The following CRLF2 variants were observed in gnomAD, a reference collection of about 807,000 sequenced individuals.
CRLF2 encodes the protein cytokine receptor-like factor 2.
Under a neutral mutation model 38.7 loss-of-function variants are expected in CRLF2, and 41 were observed. The observed-to-expected ratio is 1.06, with a 90% CI of 0.83 to 1.37. CRLF2 has a LOEUF of 1.37. Ranked by LOEUF, CRLF2 falls within the 40% of genes most tolerant of loss-of-function variation. The pLI, the probability that CRLF2 is intolerant of heterozygous loss-of-function variation, is 0.00. For missense variants in CRLF2, 377 were observed against 322.2 expected (o/e 1.17, Z -1.30); for synonymous variants, 140 against 128.8 (o/e 1.09, Z -0.59).
intron 2 of CRLF2, 52 bp downstream of exon 2, chrX:1,208,754 G>T: frequency 9.5e-7 from 1 of 1,050,748 alleles, no homozygotes; most frequent in Non-Finnish European, 1.5e-6. Context: ...CGGCTCAGAA[G>T]AGCGATTTTG....
At chrX:1,191,347 T>TTTCTTTC in intron 7 of CRLF2, among the ~76,000 whole-genome samples, 187 bp from the exon 8 acceptor site, 1 of 91,674 alleles carries the variant, frequency 1.1e-5, no homozygotes, top group African/African-American at 4.0e-5. Flanking sequence ...CTTTCTTTCC[T>TTTCTTTC]TCTTTCTTTC....
At chrX:1,191,267 C>G (rs1249100277) in intron 7 of CRLF2, 107 bp from the exon 8 acceptor site, 1 of 395,788 alleles carries the variant, frequency 2.5e-6, no homozygotes, top group Admixed American at 4.5e-5. Context: ...ACATCTTTCT[C>G]TTTCTTTCTC....
intron 4 of CRLF2, among the ~76,000 whole-genome samples, chrX:1,202,110 T>C (rs2086618676): frequency 1.3e-5 from 2 of 150,928 alleles, no homozygotes; most frequent in Admixed American, 1.3e-4. Context: ...TAGATAGAGG[T>C]AGAGATAAAA....
chrX:1,200,346 G>A (rs2086580749), intron 4 of CRLF2, among the ~76,000 whole-genome samples: 1 of 150,940 alleles, frequency 6.6e-6, no homozygotes, highest in South Asian at 2.1e-4. Flanking sequence ...TATATAAGAT[G>A]TGTATGTACA....
At chrX:1,208,156 G>A (rs2086725619) in intron 2 of CRLF2, among the ~76,000 whole-genome samples, 1 of 152,074 alleles carries the variant, frequency 6.6e-6, no homozygotes, top group Admixed American at 6.6e-5. Flanking sequence ...GCTGTGAAAT[G>A]TTTCAGAGAC....
intron 6 of CRLF2, among the ~76,000 whole-genome samples, chrX:1,193,798 A>C (rs1162661759): frequency 1.4e-5 from 2 of 146,924 alleles, no homozygotes; most frequent in Non-Finnish European, 3.0e-5. Context: ...AAAAAAAAAA[A>C]AAAAATACAA....
Position 1,198,572 on chromosome X carries a change from G to T in CRLF2, c.636C>A (p.Gly212=). Residue 212 remains glycine (G), a synonymous_variant, in exon 5 of 8, where the codon GGC becomes GGA. Transcript: ENST00000400841. ...CGTAACAAGCATTACCCCGAATCTC[G>T]CCTCTCTGCCAGCATGTCACCTCTG... ...DWSEVTCWQR[G]EIRDACAETP... The T allele has an allele frequency of 6.2e-7, 1 of 1,613,556 alleles. No individual in the cohort carries two copies. The highest frequency in any genetic ancestry group is 8.5e-7 in the Non-Finnish European group (1 of 1,179,654).
Position 1,209,418 on chromosome X carries a change from G to A in CRLF2, c.80-510C>T, listed in dbSNP as rs751123485. Reference sequence around the variant, plus strand: ...GCAATCTCGGCTCACTGCAAGCTCCGCCTCCCGGGTTCACGCCATTCTCCT... The same window carrying A: ...GCAATCTCGGCTCACTGCAAGCTCCACCTCCCGGGTTCACGCCATTCTCCT... On this transcript the variant is annotated intron_variant, in intron 1 of 7. Transcript: ENST00000400841. Among the ~76,000 whole-genome samples, 6 of 151,438 alleles carry A rather than the reference G, an allele frequency of 4.0e-5. No individual in the cohort carries two copies. In the East Asian group the frequency reaches 9.8e-4, roughly 25 times the overall value.
At chrX:1,205,890 G>A (rs1298661614) in intron 3 of CRLF2, among the ~76,000 whole-genome samples, 2 of 152,046 alleles carry the variant, frequency 1.3e-5, no homozygotes, top group African/African-American at 4.8e-5. Context: ...AGCATGGTGA[G>A]CTTGCTTTTC....
intron 3 of CRLF2, 46 bp downstream of exon 3, chrX:1,206,387 G>A (rs756160821): frequency 1.3e-6 from 2 of 1,552,272 alleles, no homozygotes; most frequent in South Asian, 1.1e-5. Context: ...GTAATAAGCT[G>A]AAGGAAGTAC....
In CRLF2 at chrX:1,206,560, G is replaced by GT. The variant is rs766903240; in HGVS notation, c.221dup (p.Tyr74Ter). 3.7e-6 allele frequency: 6 copies of GT among 1,613,656 alleles called. No homozygotes were observed. The African/African-American group carries it at 8.0e-5, about 22-fold the overall frequency. ...CCGAAGTGTGACCTTCCTGGAGAAG[G>GT]TAGTTGGTGCACTGGTCATAGGCCT... ...GDEAYDQCTN[Y>*]LLQEGHTSGC... The change falls in exon 3 of 8, where the codon TAC (tyrosine) becomes TAAC (stop). Residue 74 changes from tyrosine to a stop codon, truncating the protein, a stop_gained and frameshift_variant. Coordinates refer to ENST00000400841, the MANE Select transcript of CRLF2 (RefSeq NM_022148.4). LOFTEE classifies it high-confidence loss of function.
chrX:1,212,444 G>GAAAA, intron 1 of CRLF2, 112 bp downstream of exon 1: 11 of 493,850 alleles, frequency 2.2e-5, no homozygotes, highest in South Asian at 7.8e-5. Flanking sequence ...AAAAAGAAAA[G>GAAAA]AAGAAAGAAA....
rs758557173 is a variant in CRLF2 at position 1,208,808 on chromosome X, G to A, written c.180C>T (p.Tyr60=). 6.3e-7 allele frequency: 1 copy of A among 1,591,568 alleles called. No homozygotes were observed. Among genetic ancestry groups the A allele is most frequent in the Non-Finnish European group, 8.6e-7 (1 of 1,159,568 alleles). The change falls in exon 2 of 8, where the codon TAC becomes TAT. Residue 60 remains tyrosine, a splice_region_variant and synonymous_variant. Coordinates refer to ENST00000400841, the MANE Select transcript of CRLF2 (RefSeq NM_022148.4). ...KYSRTNLTFH[Y]RFNGDEAYDQ... ...TTCGCTTTCTGGGGGCCACTTACCT[G>A]TAGTGGAAAGTCAGGTTGGTCCTGG...
At chrX:1,205,087 A>G (rs1445001689) in intron 3 of CRLF2, among the ~76,000 whole-genome samples, 1 of 152,188 alleles carries the variant, frequency 6.6e-6, no homozygotes, top group African/African-American at 2.4e-5. Context: ...TTGGCCTCCC[A>G]TAGTGCTGGG....
At chrX:1,210,694 G>T (rs1298062883) in intron 1 of CRLF2, among the ~76,000 whole-genome samples, 1 of 152,160 alleles carries the variant, frequency 6.6e-6, no homozygotes, top group African/African-American at 2.4e-5. Flanking sequence ...CTAAGTGGAG[G>T]TATCTGGAGG....
In CRLF2 at chrX:1,210,522, G is replaced by A. The variant is rs188062198; in HGVS notation, c.80-1614C>T. On this transcript the variant is annotated intron_variant, in intron 1 of 7. Transcript: ENST00000400841. ...AGACGGGGTTTCACCGTGTTAGCCAGGATGGTCTCCATCTCCTGACCTTGT... is the reference window on the plus strand; with the variant it reads ...AGACGGGGTTTCACCGTGTTAGCCAAGATGGTCTCCATCTCCTGACCTTGT... 2.5e-3 allele frequency among the ~76,000 whole-genome samples: 379 copies of A among 152,164 alleles called. 2 individuals are homozygous for A. Among genetic ancestry groups the A allele is most frequent in the African/African-American group, 8.2e-3 (339 of 41,528 alleles).
chrX:1,193,881 A>C (rs2086436677), intron 6 of CRLF2, among the ~76,000 whole-genome samples: 1 of 151,728 alleles, frequency 6.6e-6, no homozygotes, highest in East Asian at 1.9e-4. Flanking sequence ...GAATCACTTG[A>C]ACCTGGGAGG....
Position 1,212,629 on chromosome X carries a change from C to T in CRLF2, c.6G>A (p.Gly2=), listed in dbSNP as rs1380006893. ...CAGCTCCCCACAGCAGAACCAGCCGCCCCATGCCTGAAACAGGAGTGGAGA... is the reference window on the plus strand; with the variant it reads ...CAGCTCCCCACAGCAGAACCAGCCGTCCCATGCCTGAAACAGGAGTGGAGA... M[G]RLVLLWGAAV... The change falls in exon 1 of 8, where the codon GGG becomes GGA. Residue 2 remains glycine, a synonymous_variant. Transcript: ENST00000400841. 7 of 1,611,412 alleles carry T rather than the reference C, an allele frequency of 4.3e-6. No homozygotes were observed. The highest frequency in any genetic ancestry group is 1.3e-5 in the African/African-American group (1 of 74,690).
rs1283055774 is a variant in CRLF2 at position 1,198,399 on chromosome X, C to CACGG, written c.646+162_646+163insCCGT. On this transcript the variant is annotated intron_variant, in intron 5 of 7. Transcript: ENST00000400841. Reference sequence around the variant, plus strand: ...AGATAGGACACCCTCCCTCCCACCTCGAAGGCAGGACACCCTCCCTCCCAC... The same window carrying CACGG: ...AGATAGGACACCCTCCCTCCCACCTCACGGGAAGGCAGGACACCCTCCCTCCCAC... 1.0e-4 allele frequency among the ~76,000 whole-genome samples: 3 copies of CACGG among 29,870 alleles called. No homozygotes were observed. In the South Asian group the frequency reaches 4.5e-3, roughly 44 times the overall value. 19.6% of individuals were successfully genotyped at this position (29,870 alleles called of 152,430 possible). A position where few individuals can be genotyped will look rare whatever the true frequency, so the allele number is the denominator to read the frequency against.
Sources: gnomAD v4.1 joint callset for allele counts (sites outside exome capture counted in the v4.1 genomes callset) on GRCh38, gnomAD v4.1.1 for gene constraint, MANE v1.5 for transcripts, NCBI Gene and HGNC (gene_info 2026-07-23, HGNC 2026-07-21) for gene names.